Variants in PRRC2C observed in about 807,000 individuals in gnomAD.
PRRC2C encodes protein PRRC2C.
A neutral mutation model predicts 317.2 loss-of-function variants in PRRC2C; 72 were observed. The ratio of observed to expected loss-of-function variants is 0.23; its 90% CI spans 0.19 to 0.28. PRRC2C has a LOEUF of 0.28. Among genes scored for constraint, PRRC2C ranks in the 10% least tolerant of loss-of-function variants. The pLI is 1.00. For synonymous variants in PRRC2C, 1,296 were observed against 1,205.9 expected (o/e 1.07, Z -1.55); for missense variants, 3,074 against 3,459.7 (o/e 0.89, Z 2.80).
rs1186272304 is a variant in PRRC2C, at chr1:171,542,073, C to T, written c.4607C>T (p.Pro1536Leu). 1 of 1,613,858 alleles carries T rather than the reference C, an allele frequency of 6.2e-7. No homozygotes were observed. Among genetic ancestry groups the T allele is most frequent in the Non-Finnish European group, 8.5e-7 (1 of 1,179,866 alleles). Residue 1536 changes from proline to leucine, a missense_variant, in exon 16 of 35, where the codon CCA becomes CTA. Coordinates refer to ENST00000647382, the MANE Select transcript of PRRC2C (RefSeq NM_001387844.1). ...VVKVGENVLP[P>L]KREIAKRSFS... ...AAGGTTGGAGAGAATGTTCTACCTC[C>T]AAAGAGGGAAATTGCAAAGAGAAGT...
Position 171,540,252 on chromosome 1 carries a change from A to G in PRRC2C, c.2786A>G (p.His929Arg), listed in dbSNP as rs766422217. The G allele has an allele frequency of 5.6e-6, 9 of 1,613,926 alleles. No homozygotes were observed. Among genetic ancestry groups the G allele is most frequent in the Non-Finnish European group, 7.6e-6 (9 of 1,179,886 alleles). The change falls in exon 16 of 35, where the codon CAT (histidine) becomes CGT (arginine). Residue 929 changes from histidine to arginine, a missense_variant. Coordinates refer to ENST00000647382, the MANE Select transcript of PRRC2C (RefSeq NM_001387844.1). Reference protein sequence around the residue: ...SQPSRKRSVSHGSNHTQKPDE... With the variant: ...SQPSRKRSVSRGSNHTQKPDE... ...CCTTCCCGGAAAAGAAGTGTTTCCC[A>G]TGGATCTAACCATACGCAAAAACCA... is the stretch of plus-strand genomic sequence containing the variant.
chr1:171,561,826 T>A (rs560555738), intron 20 of PRRC2C, among the ~76,000 whole-genome samples: 3 of 152,338 alleles, frequency 2.0e-5, no homozygotes, highest in South Asian at 4.1e-4. Context: ...AATGTGATAT[T>A]GGTAAATGAC....
intron 18 of PRRC2C, among the ~76,000 whole-genome samples, chr1:171,551,096 C>T (rs1417517074): frequency 6.6e-6 from 1 of 152,152 alleles, no homozygotes; most frequent in Non-Finnish European, 1.5e-5. Context: ...AGTGTAAAAG[C>T]ATTCCTATTT....
In PRRC2C at chr1:171,513,757, T is replaced by G. The variant is rs536890561; in HGVS notation, c.290+585T>G. Among the ~76,000 whole-genome samples, 3 of 152,320 alleles carry G rather than the reference T, an allele frequency of 2.0e-5. No homozygotes were observed. The East Asian group carries it at 5.8e-4, about 29-fold the overall frequency. ...AATTTAAAAAAAATAAGACAAGCCA[T>G]TGGATACTTGATGTTTTCTTGCCTA... On this transcript the variant is annotated intron_variant, in intron 3 of 34. Transcript: ENST00000647382.
Position 171,486,220 on chromosome 1 carries a change from C to T in PRRC2C, c.-58+485C>T, listed in dbSNP as rs575280083. Among the ~76,000 whole-genome samples the T allele has an allele frequency of 3.3e-5, 5 of 149,482 alleles. No homozygotes were observed. In the East Asian group the frequency reaches 8.0e-4, roughly 24 times the overall value. ...TCCTGTGTAGTGAGGGTGGGACTTG[C>T]AATGAGCAATGTATGGGAGGGTCTG... is the stretch of plus-strand genomic sequence containing the variant. On this transcript the variant is annotated intron_variant, in intron 1 of 34. Transcript: ENST00000647382.
intron 1 of PRRC2C, among the ~76,000 whole-genome samples, chr1:171,508,909 CAG>C (rs1469798001): frequency 6.6e-6 from 1 of 151,298 alleles, no homozygotes; most frequent in Non-Finnish European, 1.5e-5. Context: ...TTTTTTGAGA[CAG>C]AGTCTTGCTC....
chr1:171,512,108 A>C lies in PRRC2C; in HGVS notation c.20A>C (p.Gln7Pro), dbSNP rs777524775. 1 of 1,573,208 alleles carries C rather than the reference A, an allele frequency of 6.4e-7. No homozygotes were observed. The highest frequency in any genetic ancestry group is 1.2e-5 in the South Asian group (1 of 85,426). Residue 7 changes from glutamine (Q) to proline (P), a missense_variant, in exon 2 of 35, where the codon CAG becomes CCG. Transcript: ENST00000647382. MSEKSG[Q>P]STKAKDGKKY... ...ACCGAAATGTCGGAGAAGTCAGGCC[A>C]GAGCACAAAAGCAAAGGATGGGAAA...
intron 21 of PRRC2C, 29 bp from the exon 22 acceptor site, chr1:171,566,563 A>C (rs1290260807): frequency 6.5e-7 from 1 of 1,529,924 alleles, no homozygotes; most frequent in Non-Finnish European, 8.8e-7. Context: ...TATCATAAAC[A>C]TAGTTTTATC....
At chr1:171,587,902 T>C (rs1298881948) in intron 32 of PRRC2C, among the ~76,000 whole-genome samples, 151 bp downstream of exon 32, 1 of 152,242 alleles carries the variant, frequency 6.6e-6, no homozygotes. Flanking sequence ...AATGTTAAGC[T>C]TTTAAATTAT....
At position 171,541,101 on chromosome 1, in the gene PRRC2C, G is replaced by C. The variant is rs750203323; in HGVS notation, c.3635G>C (p.Gly1212Ala). 2 of 1,613,796 alleles carry C rather than the reference G, an allele frequency of 1.2e-6. No individual in the cohort carries two copies. The highest frequency in any genetic ancestry group is 3.3e-5 in the Admixed American group (2 of 59,982). ...GGTTCTTATGGAGGGCGTGGCAGGG[G>C]TGGTAGGGGACACACTCGAGATTAT... ...YRGSYGGRGR[G>A]GRGHTRDYPQ... The change falls in exon 16 of 35, where the codon GGT becomes GCT. Residue 1212 changes from glycine (G) to alanine (A), a missense_variant. By Grantham distance (60) the Gly-to-Ala change is moderately conservative. Around this residue, in one of 11 missense-constraint regions of PRRC2C, gnomAD observed 1,320 missense variants for 1,395.7 expected, o/e 0.95. Transcript: ENST00000647382. The surrounding 1 kb of genome is among the most constrained non-coding windows in gnomAD (Gnocchi z 4.1).
intron 25 of PRRC2C, among the ~76,000 whole-genome samples, chr1:171,576,545 A>G (rs1457166367): frequency 6.6e-6 from 1 of 152,238 alleles, no homozygotes; most frequent in Non-Finnish European, 1.5e-5. Context: ...ACTAATCAAT[A>G]AAACAAATTA....
intron 33 of PRRC2C, 51 bp from the exon 34 acceptor site, chr1:171,589,318 T>G (rs1184942556): frequency 2.2e-4 from 159 of 707,014 alleles, no homozygotes; most frequent in Middle Eastern, 4.1e-4. Context: ...GTTTTTTTTT[T>G]TTTTTTTTTT....
At chr1:171,547,869 T>C (rs1679459200) in intron 17 of PRRC2C, among the ~76,000 whole-genome samples, 1 of 152,094 alleles carries the variant, frequency 6.6e-6, no homozygotes, top group South Asian at 2.1e-4. Context: ...GCCAGGCAGC[T>C]CTCAAACTCC....
Position 171,579,459 on chromosome 1 carries a change from T to C in PRRC2C, c.7265T>C (p.Leu2422Pro), listed in dbSNP as rs1169556138. 3 of 1,613,476 alleles carry C rather than the reference T, an allele frequency of 1.9e-6. No individual in the cohort carries two copies. Among genetic ancestry groups the C allele is most frequent in the Non-Finnish European group, 2.5e-6 (3 of 1,179,858 alleles). Residue 2422 changes from leucine to proline, a missense_variant, in exon 27 of 35, where the codon CTC becomes CCC. Coordinates refer to ENST00000647382, the MANE Select transcript of PRRC2C (RefSeq NM_001387844.1). ...CAACAACAGGGTTTCCAACCAGGTC[T>C]CTCTCAGGTAATATCAAAGACTTCT... ...LAQQQGFQPG[L>P]SQPTSVQQIP... is the part of the protein sequence containing the mutation.
chr1:171,563,816 A>G (rs899609167), intron 20 of PRRC2C, among the ~76,000 whole-genome samples: 3 of 152,168 alleles, frequency 2.0e-5, no homozygotes, highest in African/African-American at 7.2e-5. Flanking sequence ...TGGTATTAGC[A>G]TCATGATTAG....
chr1:171,493,883 A>G (rs992948988), intron 1 of PRRC2C, among the ~76,000 whole-genome samples: 2 of 152,226 alleles, frequency 1.3e-5, no homozygotes, highest in Non-Finnish European at 2.9e-5. Context: ...TTACCACTTA[A>G]TAAGTTTTTG....
At chr1:171,528,438 G>A (rs1239681665) in intron 11 of PRRC2C, among the ~76,000 whole-genome samples, 2 of 151,916 alleles carry the variant, frequency 1.3e-5, no homozygotes, top group Admixed American at 1.3e-4. Flanking sequence ...ACAGATGCCC[G>A]CCACCACGCC....
chr1:171,537,233 A>G (rs1360959116), intron 14 of PRRC2C, 30 bp from the exon 15 acceptor site: 6 of 1,507,728 alleles, frequency 4.0e-6, no homozygotes, highest in Non-Finnish European at 4.5e-6. Context: ...CAAAATCCTC[A>G]TTTCACCTTT....
Position 171,557,805 on chromosome 1 carries a change from C to T in PRRC2C, c.5693C>T (p.Ser1898Leu), listed in dbSNP as rs964015913. 1.9e-6 allele frequency: 3 copies of T among 1,550,462 alleles called. No individual in the cohort carries two copies. Among genetic ancestry groups the T allele is most frequent in the Non-Finnish European group, 2.6e-6 (3 of 1,146,130 alleles). The change falls in exon 19 of 35, where the codon TCA (serine) becomes TTA (leucine). Residue 1898 changes from serine (S) to leucine (L), a missense_variant. By Grantham distance (145) the Ser-to-Leu change is moderately radical. This residue lies in a region of PRRC2C where 640 missense variants were observed against 676.1 expected (regional missense o/e 0.95). Transcript: ENST00000647382. ...ATCACAGCACCAACTATCCCAGCCT[C>T]AGCCCCAACTGCCTCAGTCCCACTT... is the stretch of plus-strand genomic sequence containing the variant. ...PVITAPTIPA[S>L]APTASVPLAP...
Sources: gnomAD v4.1 joint callset for allele counts (sites outside exome capture counted in the v4.1 genomes callset) on GRCh38, gnomAD v4.1.1 for gene constraint, gnomAD v4.1.1 regional missense constraint, Gnocchi (gnomAD v3.1) non-coding constraint, MANE v1.5 for transcripts, NCBI Gene and HGNC (gene_info 2026-07-23, HGNC 2026-07-21) for gene names.